The following SEMA3A variants were observed in gnomAD, a reference collection of about 807,000 sequenced individuals.
SEMA3A encodes the protein semaphorin-3A.
Under a neutral mutation model 97.9 loss-of-function variants are expected in SEMA3A, and 29 were observed. The ratio of observed to expected loss-of-function variants is 0.30; its 90% CI spans 0.22 to 0.40. SEMA3A has a LOEUF of 0.40. Ranked by LOEUF, SEMA3A falls within the 10% of genes least tolerant of loss-of-function variation. The pLI is 1.00. For synonymous variants in SEMA3A, 321 were observed against 323.7 expected (o/e 0.99, Z 0.09); for missense variants, 763 against 951.3 (o/e 0.80, Z 2.60).
chr7:84,274,389 G>A (rs1800239507), intron 3 of SEMA3A, among the ~76,000 whole-genome samples: 2 of 152,046 alleles, frequency 1.3e-5, no homozygotes, highest in African/African-American at 4.8e-5. Context: ...AATTAAGGGA[G>A]TAGAGAGAAG....
intron 6 of SEMA3A, among the ~76,000 whole-genome samples, chr7:84,020,042 T>C (rs1285781584): frequency 1.7e-5 from 2 of 114,476 alleles, no homozygotes; most frequent in East Asian, 2.4e-4. Flanking sequence ...TTTCTTTTTT[T>C]TTTTTTTTTT....
intron 6 of SEMA3A, among the ~76,000 whole-genome samples, chr7:84,037,844 G>A (rs1045785261): frequency 6.6e-6 from 1 of 151,794 alleles, no homozygotes; most frequent in Non-Finnish European, 1.5e-5. Context: ...AAGTACCATA[G>A]GAAACTGATA....
chr7:84,266,938 T>C (rs536552503), intron 3 of SEMA3A, among the ~76,000 whole-genome samples: 2 of 152,286 alleles, frequency 1.3e-5, no homozygotes, highest in African/African-American at 4.8e-5. Context: ...GAAATCGTTT[T>C]ATATTCTCTA....
At chr7:84,244,140 G>A (rs528824444) in intron 3 of SEMA3A, among the ~76,000 whole-genome samples, 13 of 152,266 alleles carry the variant, frequency 8.5e-5, no homozygotes, top group Non-Finnish European at 1.5e-4. Context: ...TTCAAGTCCT[G>A]AATATCCTTG....
At chr7:84,217,456 T>A (rs1234343676) in intron 3 of SEMA3A, among the ~76,000 whole-genome samples, 1 of 152,122 alleles carries the variant, frequency 6.6e-6, no homozygotes, top group African/African-American at 2.4e-5. Flanking sequence ...CACTTGACCC[T>A]ATATAAAAAA....
intron 4 of SEMA3A, among the ~76,000 whole-genome samples, chr7:84,102,411 T>C (rs1794983463): frequency 6.6e-6 from 1 of 152,112 alleles, no homozygotes; most frequent in Non-Finnish European, 1.5e-5. Context: ...GATCTACAAG[T>C]ACTAACTGGA....
intron 1 of SEMA3A, among the ~76,000 whole-genome samples, chr7:84,380,616 A>T (rs972299528): frequency 3.9e-5 from 6 of 152,192 alleles, no homozygotes; most frequent in Non-Finnish European, 7.4e-5. Context: ...AGAAAAATTA[A>T]CAGAAAGTTA....
At chr7:84,071,747 CT>C (rs1221618704) in intron 4 of SEMA3A, among the ~76,000 whole-genome samples, 1 of 151,836 alleles carries the variant, frequency 6.6e-6, no homozygotes, top group Non-Finnish European at 1.5e-5. Flanking sequence ...GCATGTATTC[CT>C]TTTTTTATTA....
chr7:84,114,415 A>G (rs561571027), intron 3 of SEMA3A, among the ~76,000 whole-genome samples: 9 of 152,252 alleles, frequency 5.9e-5, no homozygotes, highest in Non-Finnish European at 1.2e-4. Flanking sequence ...AATGGGTAGC[A>G]TATAACATTG....
At chr7:84,039,700 G>GT (rs996640962) in intron 6 of SEMA3A, among the ~76,000 whole-genome samples, 1 of 152,018 alleles carries the variant, frequency 6.6e-6, no homozygotes, top group African/African-American at 2.4e-5. Context: ...AATCAGTGCT[G>GT]TATTTAGGGA....
intron 1 of SEMA3A, among the ~76,000 whole-genome samples, chr7:84,491,336 G>T (rs964028949): frequency 3.3e-5 from 5 of 151,930 alleles, no homozygotes; most frequent in Admixed American, 6.6e-5. Context: ...ATTAATAATG[G>T]TTAAATTTAA....
intron 4 of SEMA3A, among the ~76,000 whole-genome samples, chr7:84,062,458 A>T (rs541359154): frequency 1.3e-5 from 2 of 152,218 alleles, no homozygotes; most frequent in Non-Finnish European, 2.9e-5. Context: ...TACGGCTCCC[A>T]GAGTGAGCGA....
At chr7:84,106,800 ATG>A in intron 4 of SEMA3A, among the ~76,000 whole-genome samples, 1 of 152,282 alleles carries the variant, frequency 6.6e-6, no homozygotes, top group South Asian at 2.1e-4. Context: ...TGAAAACAGA[ATG>A]TAAGATGATT....
At chr7:84,227,438 G>A (rs767119946) in intron 3 of SEMA3A, among the ~76,000 whole-genome samples, 31 of 151,864 alleles carry the variant, frequency 2.0e-4, no homozygotes, top group Non-Finnish European at 3.8e-4. Flanking sequence ...AGTGTGTCTC[G>A]TGTGACAGTT....
intron 1 of SEMA3A, among the ~76,000 whole-genome samples, chr7:84,414,319 T>A (rs1489396398): frequency 6.6e-6 from 1 of 151,520 alleles, no homozygotes; most frequent in Non-Finnish European, 1.5e-5. Context: ...GAGTGAAAAA[T>A]TTGGTTGTGT....
chr7:84,432,902 G>T lies in SEMA3A; in HGVS notation c.-246+59558C>A, dbSNP rs981661288. Among the ~76,000 whole-genome samples the T allele has an allele frequency of 5.4e-5, 8 of 149,424 alleles. No homozygotes were observed. The Admixed American group carries it at 5.4e-4, about 10-fold the overall frequency. ...TGTAGAACAATTTATTTTCTTTAGG[G>T]CATATACCTAGTAACAGGATTGCTG... On this transcript the variant is annotated intron_variant, in intron 1 of 3. Transcript: ENST00000424555.
At chr7:84,030,987 G>GTT (rs10615974) in intron 6 of SEMA3A, among the ~76,000 whole-genome samples, 1,659 of 95,002 alleles carry the variant, frequency 0.017, 42 homozygotes, top group African/African-American at 0.034. Context: ...TTTTGGTCAA[G>GTT]TTTTTTTTTT....
intron 1 of SEMA3A, among the ~76,000 whole-genome samples, chr7:84,486,756 T>C (rs1335674282): frequency 6.6e-6 from 1 of 152,170 alleles, no homozygotes; most frequent in African/African-American, 2.4e-5. Flanking sequence ...AATATAATTA[T>C]AAACACAGAA....
chr7:84,486,885 C>G (rs1393772410), intron 1 of SEMA3A, among the ~76,000 whole-genome samples: 2 of 151,940 alleles, frequency 1.3e-5, no homozygotes, highest in African/African-American at 4.8e-5. Flanking sequence ...ATTAGTGCAT[C>G]TCACCAGAAA....
Sources: allele counts gnomAD v4.1 joint callset (sites outside exome capture counted in the v4.1 genomes callset), GRCh38; gene constraint gnomAD v4.1.1; transcripts MANE v1.5; gene names NCBI Gene and HGNC (gene_info 2026-07-23, HGNC 2026-07-21).